Variants in MINDY4 observed in about 807,000 individuals in gnomAD.
MINDY4 encodes the protein probable ubiquitin carboxyl-terminal hydrolase MINDY-4.
A neutral mutation model predicts 87.0 loss-of-function variants in MINDY4; 68 were observed. The ratio of observed to expected loss-of-function variants is 0.78; its 90% CI spans 0.64 to 0.96. The LOEUF (loss-of-function observed/expected upper bound fraction) is 0.96. MINDY4 is among the 40% of genes least tolerant of loss of function. The probability of loss-of-function intolerance (pLI) is 0.00; values close to 1 mark genes in which losing one functional copy is unlikely to be tolerated. For synonymous variants in MINDY4, 379 were observed against 363.2 expected (o/e 1.04, Z -0.50); for missense variants, 919 against 928.2 (o/e 0.99, Z 0.13).
intron 5 of MINDY4, among the ~76,000 whole-genome samples, chr7:30,808,470 T>A (rs995520886): frequency 1.4e-4 from 21 of 152,102 alleles, no homozygotes; most frequent in Non-Finnish European, 2.8e-4. Context: ...GTGGGTGCCC[T>A]TTTTACTCGT....
At chr7:30,805,612 G>A (rs779843625) in intron 5 of MINDY4, among the ~76,000 whole-genome samples, 4 of 152,070 alleles carry the variant, frequency 2.6e-5, no homozygotes, top group South Asian at 2.1e-4. Context: ...TTGCATTTTC[G>A]GACCCTTAGG....
chr7:30,837,837 G>C (rs1489107863), intron 7 of MINDY4, among the ~76,000 whole-genome samples: 1 of 152,226 alleles, frequency 6.6e-6, no homozygotes, highest in Admixed American at 6.5e-5. Context: ...ACCACACTGT[G>C]CCTAGCGGGA....
At position 30,850,249 on chromosome 7, in the gene MINDY4, A is replaced by G. The variant is rs76488418; in HGVS notation, c.1446-205A>G. Among the ~76,000 whole-genome samples the G allele has an allele frequency of 1.1e-3, 165 of 152,252 alleles. 4 individuals are homozygous for G. The East Asian group carries it at 0.026, about 24-fold the overall frequency. On this transcript the variant is annotated intron_variant, in intron 9 of 17. Coordinates refer to ENST00000265299, the MANE Select transcript of MINDY4 (RefSeq NM_032222.3). ...AGCCCCACCCAGGGCCTCCCACTTGAAGGCACCTCCTTTGGCCCTCAGCTG... is the reference window on the plus strand; with the variant it reads ...AGCCCCACCCAGGGCCTCCCACTTGGAGGCACCTCCTTTGGCCCTCAGCTG...
chr7:30,868,527 A>T (rs989184783), intron 13 of MINDY4, among the ~76,000 whole-genome samples: 4 of 152,208 alleles, frequency 2.6e-5, no homozygotes, highest in Non-Finnish European at 5.9e-5. Flanking sequence ...ATGTATGGAC[A>T]GAGGGCAGGT....
At chr7:30,850,395 T>G (rs1441568404) in intron 9 of MINDY4, 59 bp from the exon 10 acceptor site, 1 of 1,484,248 alleles carries the variant, frequency 6.7e-7, no homozygotes, top group African/African-American at 1.4e-5. Context: ...TAAGTAGAGC[T>G]GCACCATCTC....
At chr7:30,795,858 T>C (rs1326832005) in intron 5 of MINDY4, among the ~76,000 whole-genome samples, 1 of 152,168 alleles carries the variant, frequency 6.6e-6, no homozygotes, top group Non-Finnish European at 1.5e-5. Context: ...CAGGCTGCCT[T>C]CTTTCTGCTT....
intron 9 of MINDY4, among the ~76,000 whole-genome samples, chr7:30,845,490 A>T (rs1789180401): frequency 6.6e-6 from 1 of 151,192 alleles, no homozygotes; most frequent in African/African-American, 2.4e-5. Flanking sequence ...TGACTCTGAA[A>T]TTCTAGGATT....
intron 13 of MINDY4, among the ~76,000 whole-genome samples, chr7:30,865,030 C>T (rs1043224436): frequency 1.2e-4 from 18 of 152,114 alleles, no homozygotes; most frequent in Admixed American, 1.2e-3. Flanking sequence ...CGGGAGGGGT[C>T]CATGGGATGC....
intron 4 of MINDY4, among the ~76,000 whole-genome samples, chr7:30,790,338 G>A (rs900237161): frequency 2.0e-5 from 3 of 152,166 alleles, no homozygotes; most frequent in African/African-American, 7.2e-5. Flanking sequence ...GACCATTTCA[G>A]CAACTCCATG....
At chr7:30,794,581 C>T (rs1301452798) in intron 5 of MINDY4, among the ~76,000 whole-genome samples, 1 of 152,144 alleles carries the variant, frequency 6.6e-6, no homozygotes, top group Non-Finnish European at 1.5e-5. Flanking sequence ...CAGTCAGGCC[C>T]TCCTAACTCT....
chr7:30,848,622 T>C (rs553232261), intron 9 of MINDY4, among the ~76,000 whole-genome samples: 86 of 152,186 alleles, frequency 5.7e-4, no homozygotes, highest in Non-Finnish European at 1.0e-3. Flanking sequence ...CTCATGGTGG[T>C]TTTCATAGTG....
chr7:30,779,016 T>G (rs1287607327), intron 2 of MINDY4, among the ~76,000 whole-genome samples: 2 of 152,208 alleles, frequency 1.3e-5, no homozygotes, highest in Non-Finnish European at 2.9e-5. Context: ...GGAATTGGGT[T>G]CAGCTAACCC....
intron 13 of MINDY4, among the ~76,000 whole-genome samples, chr7:30,862,396 C>A (rs1789792547): frequency 6.6e-6 from 1 of 152,268 alleles, no homozygotes; most frequent in Non-Finnish European, 1.5e-5. Context: ...CATTCTCTGG[C>A]CTTCCAGAGA....
At chr7:30,798,284 G>A (rs1303836326) in intron 5 of MINDY4, among the ~76,000 whole-genome samples, 1 of 152,192 alleles carries the variant, frequency 6.6e-6, no homozygotes, top group African/African-American at 2.4e-5. Flanking sequence ...GATATATGTG[G>A]TCTGATATTG....
chr7:30,871,201 G>A (rs750834479), intron 13 of MINDY4, among the ~76,000 whole-genome samples: 1 of 152,280 alleles, frequency 6.6e-6, no homozygotes, highest in Admixed American at 6.5e-5. Context: ...CTGGTCTCAC[G>A]TTGCCCCCCA....
chr7:30,781,889 T>A (rs994172570), intron 2 of MINDY4, 88 bp from the exon 3 acceptor site: 4 of 868,832 alleles, frequency 4.6e-6, no homozygotes, highest in Non-Finnish European at 5.4e-6. Flanking sequence ...GTTGATAAAC[T>A]TAGTCAAAGA....
At chr7:30,859,585 G>C (rs536438480) in intron 13 of MINDY4, among the ~76,000 whole-genome samples, 1 of 152,212 alleles carries the variant, frequency 6.6e-6, no homozygotes, top group Non-Finnish European at 1.5e-5. Flanking sequence ...TGAGGAGCTT[G>C]CCTGGAACTG....
At chr7:30,789,277 A>T (rs1787247634) in intron 4 of MINDY4, among the ~76,000 whole-genome samples, 1 of 152,050 alleles carries the variant, frequency 6.6e-6, no homozygotes. Flanking sequence ...GATGGCTTGG[A>T]CCTGCTTCAC....
chr7:30,785,269 GACACACAC>G (rs3138796), intron 3 of MINDY4, among the ~76,000 whole-genome samples: 56,514 of 138,416 alleles, frequency 0.41, 11,159 homozygotes, highest in African/African-American at 0.48. Context: ...CTCTCTCTCT[GACACACAC>G]ACACACACAC....
Sources: allele counts gnomAD v4.1 joint callset (sites outside exome capture counted in the v4.1 genomes callset), GRCh38; gene constraint gnomAD v4.1.1; transcripts MANE v1.5; gene names NCBI Gene and HGNC (gene_info 2026-07-23, HGNC 2026-07-21).